Variants in KCND2 observed in about 807,000 individuals in gnomAD.
KCND2 encodes potassium voltage-gated channel subfamily D member 2.
Under a neutral mutation model 54.4 loss-of-function variants are expected in KCND2, and 16 were observed. The observed-to-expected ratio is 0.29, with a 90% CI of 0.20 to 0.45. KCND2 has a LOEUF of 0.45. Ranked by LOEUF, KCND2 falls within the 20% of genes least tolerant of loss-of-function variation. The probability of loss-of-function intolerance (pLI) is 1.00; values close to 1 mark genes in which losing one functional copy is unlikely to be tolerated. For missense variants in KCND2, 486 were observed against 824.2 expected (o/e 0.59, Z 5.02); for synonymous variants, 317 against 310.7 (o/e 1.02, Z -0.21).
At chr7:120,288,831 A>T (rs1261189368) in intron 1 of KCND2, among the ~76,000 whole-genome samples, 1 of 152,084 alleles carries the variant, frequency 6.6e-6, no homozygotes, top group Admixed American at 6.6e-5. Flanking sequence ...CTTCATGCAA[A>T]CCCAAATGTT....
At chr7:120,436,860 C>G (rs1801873884) in intron 1 of KCND2, among the ~76,000 whole-genome samples, 1 of 152,200 alleles carries the variant, frequency 6.6e-6, no homozygotes, top group Non-Finnish European at 1.5e-5. Flanking sequence ...CTGTCTCAGC[C>G]CACATGCCCA....
intron 1 of KCND2, among the ~76,000 whole-genome samples, chr7:120,457,216 T>C (rs184252939): frequency 5.3e-5 from 8 of 152,286 alleles, no homozygotes; most frequent in African/African-American, 1.9e-4. Context: ...GCTGTGAATA[T>C]CTCTGACATG....
chr7:120,737,062 ACACACAC>A (rs1562924285), intron 2 of KCND2, among the ~76,000 whole-genome samples: 10 of 144,542 alleles, frequency 6.9e-5, no homozygotes, highest in African/African-American at 2.4e-4. Flanking sequence ...ACACACACAC[ACACACAC>A]ACACACAAAC....
At chr7:120,604,622 A>G (rs1490996473) in intron 1 of KCND2, among the ~76,000 whole-genome samples, 1 of 151,474 alleles carries the variant, frequency 6.6e-6, no homozygotes, top group East Asian at 1.9e-4. Context: ...TCTCTCTGGC[A>G]GTTAAACTGG....
intron 1 of KCND2, among the ~76,000 whole-genome samples, chr7:120,554,472 G>C (rs1039113968): frequency 1.3e-5 from 2 of 151,632 alleles, no homozygotes; most frequent in African/African-American, 4.8e-5. Context: ...ACAGTGGCGC[G>C]ATCTCAGCTC....
chr7:120,385,131 C>T (rs961568384), intron 1 of KCND2, among the ~76,000 whole-genome samples: 32 of 149,708 alleles, frequency 2.1e-4, no homozygotes, highest in Non-Finnish European at 5.9e-5. Flanking sequence ...CTCAGCCTCC[C>T]AAGTAGCTGG....
intron 1 of KCND2, among the ~76,000 whole-genome samples, chr7:120,312,970 A>G (rs1799760936): frequency 6.6e-6 from 1 of 152,156 alleles, no homozygotes; most frequent in Admixed American, 6.5e-5. Context: ...AGCATTACCC[A>G]TTCTAGAAGC....
chr7:120,314,307 T>C (rs1451960227), intron 1 of KCND2, among the ~76,000 whole-genome samples: 1 of 150,576 alleles, frequency 6.6e-6, no homozygotes, highest in Non-Finnish European at 1.5e-5. Context: ...CACCCCAGCC[T>C]GGGTGACAGA....
At chr7:120,285,733 T>C (rs1418414519) in intron 1 of KCND2, among the ~76,000 whole-genome samples, 1 of 151,952 alleles carries the variant, frequency 6.6e-6, no homozygotes, top group African/African-American at 2.4e-5. Flanking sequence ...TTTTTTAATA[T>C]GGAATTTCTG....
intron 1 of KCND2, among the ~76,000 whole-genome samples, chr7:120,662,831 AT>A (rs939749139): frequency 6.6e-6 from 1 of 152,110 alleles, no homozygotes; most frequent in African/African-American, 2.4e-5. Context: ...TTACCTGCTC[AT>A]TTTTTTCAAT....
chr7:120,714,096 A>T (rs1365235773), intron 1 of KCND2, among the ~76,000 whole-genome samples: 1 of 152,152 alleles, frequency 6.6e-6, no homozygotes, highest in Admixed American at 6.6e-5. Flanking sequence ...ATGATAATCG[A>T]TATACAATTA....
At chr7:120,413,694 C>T (rs1237171043) in intron 1 of KCND2, among the ~76,000 whole-genome samples, 2 of 151,790 alleles carry the variant, frequency 1.3e-5, no homozygotes, top group African/African-American at 4.8e-5. Context: ...TAAAAAAACA[C>T]CAAAAAAAGA....
At chr7:120,415,003 A>G (rs758946765) in intron 1 of KCND2, among the ~76,000 whole-genome samples, 13 of 152,288 alleles carry the variant, frequency 8.5e-5, no homozygotes, top group Admixed American at 2.6e-4. Flanking sequence ...CAAGAAAATC[A>G]TCAACCCCCA....
Position 120,454,980 on chromosome 7 carries a change from G to A in KCND2, c.1115+179233G>A, listed in dbSNP as rs559249798. Among the ~76,000 whole-genome samples the A allele has an allele frequency of 2.0e-4, 30 of 152,172 alleles. No homozygotes were observed. The South Asian group carries it at 6.2e-3, about 32-fold the overall frequency. On this transcript the variant is annotated intron_variant, in intron 1 of 5. Coordinates refer to ENST00000331113, the MANE Select transcript of KCND2 (RefSeq NM_012281.3). ...TCCTAGGAATACAGTTAACCAAGGA[G>A]GTAAAAGATCTCTAAAGCAAGAATA...
rs181336367 is a variant in KCND2 at position 120,413,536 on chromosome 7, A to C, written c.1115+137789A>C. Among the ~76,000 whole-genome samples the C allele has an allele frequency of 5.9e-5, 9 of 152,120 alleles. 1 individual carries two copies. In the South Asian group the frequency reaches 1.0e-3, roughly 18 times the overall value. On this transcript the variant is annotated intron_variant, in intron 1 of 5. Coordinates refer to ENST00000331113, the MANE Select transcript of KCND2 (RefSeq NM_012281.3). Reference sequence around the variant, plus strand: ...ACATACTTATGTATACACATACATAAATCTAGAGAAAGAATAATCTCAAAC... The same window carrying C: ...ACATACTTATGTATACACATACATACATCTAGAGAAAGAATAATCTCAAAC...
intron 1 of KCND2, among the ~76,000 whole-genome samples, chr7:120,603,985 CCTGT>C: frequency 1.3e-5 from 2 of 152,192 alleles, no homozygotes; most frequent in Middle Eastern, 6.8e-3. Context: ...CCTCTTGTTG[CCTGT>C]CTGTCCTTAA....
intron 1 of KCND2, among the ~76,000 whole-genome samples, chr7:120,608,072 A>T (rs188966082): frequency 6.6e-6 from 1 of 151,768 alleles, no homozygotes; most frequent in Non-Finnish European, 1.5e-5. Flanking sequence ...AATTAGACCT[A>T]TGTGCCAGAA....
At chr7:120,434,766 G>A (rs926345266) in intron 1 of KCND2, among the ~76,000 whole-genome samples, 3 of 152,066 alleles carry the variant, frequency 2.0e-5, no homozygotes, top group Admixed American at 2.0e-4. Flanking sequence ...TCCCAATGTG[G>A]TGCTTTGACC....
intron 1 of KCND2, among the ~76,000 whole-genome samples, chr7:120,662,755 G>A (rs191369307): frequency 4.7e-4 from 72 of 152,182 alleles, no homozygotes; most frequent in African/African-American, 1.6e-3. Flanking sequence ...CAAAAGCTCC[G>A]AAGAAAAAGA....
Sources: gnomAD v4.1 joint callset for allele counts (sites outside exome capture counted in the v4.1 genomes callset) on GRCh38, gnomAD v4.1.1 for gene constraint, MANE v1.5 for transcripts, NCBI Gene and HGNC (gene_info 2026-07-23, HGNC 2026-07-21) for gene names.